The following SLC36A1 variants were observed in gnomAD, a reference collection of about 807,000 sequenced individuals.
The protein encoded by SLC36A1 is proton-coupled amino acid transporter 1.
Under a neutral mutation model 47.5 loss-of-function variants are expected in SLC36A1, and 30 were observed. The observed-to-expected ratio is 0.63, with a 90% CI of 0.47 to 0.86. The LOEUF (loss-of-function observed/expected upper bound fraction) is 0.86. Among genes scored for constraint, SLC36A1 ranks in the 40% least tolerant of loss-of-function variants. The probability of loss-of-function intolerance (pLI) is 0.00; values close to 1 mark genes in which losing one functional copy is unlikely to be tolerated. For synonymous variants in SLC36A1, 255 were observed against 249.7 expected, an observed-to-expected ratio of 1.02 and a Z score of -0.20; for missense variants, 517 against 606.0, an observed-to-expected ratio of 0.85 and a Z score of 1.54.
upstream of SLC36A1, among the ~76,000 whole-genome samples, chr5:151,435,426 A>G (rs1759711057): frequency 6.6e-6 from 1 of 152,222 alleles, no homozygotes; most frequent in Non-Finnish European, 1.5e-5. Context: ...AAGATCTGAG[A>G]TGCAAAAGGA....
At chr5:151,390,922 C>T in the SLC36A1 span, among the ~76,000 whole-genome samples, 10 of 152,192 alleles carry the variant, frequency 6.6e-5, 1 homozygote, top group South Asian at 1.7e-3. Context: ...ACTTTAAAGT[C>T]GTTTTTTTCC....
the SLC36A1 span, among the ~76,000 whole-genome samples, chr5:151,539,552 A>G: frequency 6.6e-6 from 1 of 152,288 alleles, no homozygotes; most frequent in African/African-American, 2.4e-5. Context: ...TCCTTTGTGT[A>G]TATGTGTGGG....
At chr5:151,369,291 G>T in the SLC36A1 span, among the ~76,000 whole-genome samples, 88 of 152,192 alleles carry the variant, frequency 5.8e-4, no homozygotes, top group African/African-American at 2.1e-3. Context: ...GTTATCAGTG[G>T]ACTGGAAGAA....
At chr5:151,395,472 A>C in the SLC36A1 span, among the ~76,000 whole-genome samples, 1 of 152,216 alleles carries the variant, frequency 6.6e-6, no homozygotes, top group African/African-American at 2.4e-5. Context: ...TTGGAAATGC[A>C]GAAATAACCT....
At chr5:151,389,857 C>T in the SLC36A1 span, among the ~76,000 whole-genome samples, 9 of 151,834 alleles carry the variant, frequency 5.9e-5, no homozygotes, top group African/African-American at 9.7e-5. Context: ...TGAATAGTGC[C>T]GCAATAAACA....
downstream of SLC36A1, among the ~76,000 whole-genome samples, chr5:151,493,411 A>G (rs955580937): frequency 2.0e-5 from 3 of 152,156 alleles, no homozygotes; most frequent in African/African-American, 4.8e-5. Flanking sequence ...TTCCAGTGCC[A>G]ATTGCAAGTA....
chr5:151,391,025 T>C, the SLC36A1 span, among the ~76,000 whole-genome samples: 1 of 152,228 alleles, frequency 6.6e-6, no homozygotes, highest in Non-Finnish European at 1.5e-5. Flanking sequence ...CAATATTGAT[T>C]CTTCCTATCC....
At chr5:151,537,933 C>G in the SLC36A1 span, 11 of 1,613,672 alleles carry the variant, frequency 6.8e-6, no homozygotes, top group Non-Finnish European at 8.5e-6. Context: ...ATGAACCTTG[C>G]CAGTATAGAG....
chr5:151,458,993 T>C, intron 2 of SLC36A1, 58 bp downstream of exon 2: 2 of 1,529,348 alleles, frequency 1.3e-6, no homozygotes, highest in East Asian at 4.6e-5. Context: ...AAGCCTCCCT[T>C]GGACTTATTT....
chr5:151,514,817 A>G, the SLC36A1 span, among the ~76,000 whole-genome samples: 14 of 152,138 alleles, frequency 9.2e-5, no homozygotes, highest in African/African-American at 3.1e-4. Flanking sequence ...CCATTTATGC[A>G]CTAGATTCTA....
the SLC36A1 span, among the ~76,000 whole-genome samples, chr5:151,405,343 CTTTTTTTTT>C: frequency 2.0e-3 from 173 of 85,274 alleles, no homozygotes; most frequent in African/African-American, 8.1e-3. Flanking sequence ...CTCTCTTTCT[CTTTTTTTTT>C]TTTTTTTTTT....
the SLC36A1 span, among the ~76,000 whole-genome samples, chr5:151,498,967 C>T: frequency 6.6e-5 from 10 of 152,186 alleles, no homozygotes; most frequent in Non-Finnish European, 1.3e-4. Flanking sequence ...TTGTGAGCTG[C>T]CTGAGGGCAC....
In SLC36A1 at chr5:151,464,508, C is replaced by T. The variant is rs2127486855; in HGVS notation, c.235-6C>T. ...TCTCTCTTTTGCCTGCAATATCTGTCCCCAGATGGGTCCCATCAGCCTGCT... is the reference window on the plus strand; with the variant it reads ...TCTCTCTTTTGCCTGCAATATCTGTTCCCAGATGGGTCCCATCAGCCTGCT... On this transcript the variant is annotated splice_region_variant and splice_polypyrimidine_tract_variant and intron_variant, in intron 3 of 10. Coordinates refer to ENST00000243389, the MANE Select transcript of SLC36A1 (RefSeq NM_078483.4). The T allele has an allele frequency of 6.2e-7, 1 of 1,612,842 alleles. No individual in the cohort carries two copies. The highest frequency in any genetic ancestry group is 8.5e-7 in the Non-Finnish European group (1 of 1,179,268).
the SLC36A1 span, among the ~76,000 whole-genome samples, chr5:151,427,027 C>G: frequency 2.0e-5 from 3 of 152,208 alleles, no homozygotes; most frequent in Non-Finnish European, 4.4e-5. Context: ...TACAGATGAA[C>G]AGCATCTCAA....
At chr5:151,345,349 C>T in the SLC36A1 span, among the ~76,000 whole-genome samples, 1 of 152,212 alleles carries the variant, frequency 6.6e-6, no homozygotes, top group Non-Finnish European at 1.5e-5. Context: ...AAGGCCACGA[C>T]TTAACTAGCT....
chr5:151,397,663 C>G, the SLC36A1 span, among the ~76,000 whole-genome samples: 1 of 146,768 alleles, frequency 6.8e-6, no homozygotes, highest in Non-Finnish European at 1.5e-5. Context: ...ACTGGGGAGG[C>G]TGAGGCGGGA....
At chr5:151,479,284 G>T in intron 9 of SLC36A1, 36 bp from the exon 10 acceptor site, 1 of 1,607,100 alleles carries the variant, frequency 6.2e-7, no homozygotes, top group South Asian at 1.1e-5. Context: ...TAAGTGTGCT[G>T]AGCAGGCTTG....
the SLC36A1 span, among the ~76,000 whole-genome samples, chr5:151,380,180 C>T: frequency 1.6e-4 from 25 of 152,108 alleles, 1 homozygote; most frequent in Non-Finnish European, 3.2e-4. Flanking sequence ...AAAAATAGGA[C>T]ATCACTCTAG....
intron 10 of SLC36A1, chr5:151,479,889 A>G: frequency 3.8e-6 from 2 of 520,548 alleles, no homozygotes. Flanking sequence ...TTGTTTTTCC[A>G]CTGTGACAAG....
Sources: allele counts gnomAD v4.1 joint callset (sites outside exome capture counted in the v4.1 genomes callset), GRCh38; gene constraint gnomAD v4.1.1; transcripts MANE v1.5; gene names NCBI Gene and HGNC (gene_info 2026-07-23, HGNC 2026-07-21).